SPATC1: variants seen among roughly 807,000 people sequenced by gnomAD.
SPATC1 encodes the protein spermatogenesis and centriole associated 1, also known as speriolin.
Under a neutral mutation model 36.5 loss-of-function variants are expected in SPATC1, and 35 were observed. The observed-to-expected ratio is 0.96, with a 90% CI of 0.73 to 1.27. SPATC1 has a LOEUF of 1.27. SPATC1 is among the 50% of genes most tolerant of loss of function. The pLI is 0.00. For synonymous variants in SPATC1, 361 were observed against 353.6 expected (o/e 1.02, Z -0.24); for missense variants, 779 against 796.0 (o/e 0.98, Z 0.26).
At chr8:144,021,627 C>A (rs1244358023) in intron 1 of SPATC1, among the ~76,000 whole-genome samples, 1 of 63,010 alleles carries the variant, frequency 1.6e-5, no homozygotes. Flanking sequence ...AAGAACCTCA[C>A]ACCCCAGGAC....
intron 4 of SPATC1, among the ~76,000 whole-genome samples, chr8:144,042,305 A>T (rs1287459491): frequency 2.4e-4 from 13 of 54,740 alleles, no homozygotes; most frequent in African/African-American, 1.1e-3. Flanking sequence ...ATATATATAT[A>T]TATATATTTT....
intron 1 of SPATC1, among the ~76,000 whole-genome samples, chr8:144,026,250 C>A (rs1308124657): frequency 3.9e-5 from 6 of 152,276 alleles, no homozygotes; most frequent in South Asian, 2.1e-4. Flanking sequence ...TTCTTCCATG[C>A]GGTAGCTCCT....
intron 1 of SPATC1, among the ~76,000 whole-genome samples, chr8:144,021,145 CT>C (rs1834518737): frequency 2.7e-5 from 4 of 146,152 alleles, no homozygotes; most frequent in African/African-American, 7.6e-5. Context: ...TCAGGACCCT[CT>C]TCCTTCAGTA....
intron 1 of SPATC1, among the ~76,000 whole-genome samples, chr8:144,036,001 T>C (rs1834891048): frequency 2.0e-5 from 3 of 152,182 alleles, no homozygotes; most frequent in South Asian, 2.1e-4. Context: ...TGCCCCACTC[T>C]GTGCTCCCTC....
In SPATC1 at chr8:144,040,596, G is replaced by A. The variant is rs782622347; in HGVS notation, c.795G>A (p.Ser265=). 8 of 1,594,366 alleles carry A rather than the reference G, an allele frequency of 5.0e-6. No homozygotes were observed. The highest frequency in any genetic ancestry group is 1.4e-5 in the African/African-American group (1 of 72,684). Residue 265 remains serine (S), a synonymous_variant, in exon 3 of 5, where the codon TCG becomes TCA. Coordinates refer to ENST00000377470, the MANE Select transcript of SPATC1 (RefSeq NM_198572.3). ...KVPLSTEPPQ[S]TQDPEPLSMA... is the part of the protein sequence containing the mutation. ...CACTCTCCACTGAGCCCCCCCAGTC[G>A]ACCCAGGACCCAGAGCCTCTCAGCA... is the stretch of plus-strand genomic sequence containing the variant.
At position 144,046,779 on chromosome 8, in the gene SPATC1, C is replaced by A; in HGVS notation, c.1599C>A (p.Gly533=). The A allele has an allele frequency of 1.2e-6, 2 of 1,610,176 alleles. No homozygotes were observed. Among genetic ancestry groups the A allele is most frequent in the South Asian group, 2.2e-5 (2 of 91,084 alleles). The change falls in exon 5 of 5, where the codon GGC becomes GGA. Residue 533 remains glycine, a synonymous_variant. Coordinates refer to ENST00000377470, the MANE Select transcript of SPATC1 (RefSeq NM_198572.3). This position sits in a 1 kb window ranked among gnomAD's most constrained non-coding sequence, Gnocchi z 6.6. ...CCGAGCAGCTGGTGAACGCTTATGG[C>A]ATCCTGCGAGAGCGCCCGGAGCTGG... The part of the protein sequence containing the change: ...ALTEQLVNAY[G]ILRERPELAA...
In SPATC1 at chr8:144,020,578, TTCTCCCCTCAGAACCC is replaced by T. The variant is rs1587492188; in HGVS notation, c.211+7872_211+7887del. On this transcript the variant is annotated intron_variant, in intron 1 of 4. Coordinates refer to ENST00000377470, the MANE Select transcript of SPATC1 (RefSeq NM_198572.3). ...TTCAGTATCCTCTCCCCTCAGGACC[TTCTCCCCTCAGAACCC>T]TCTCCCCTCAGAACCCTCTTCCTTC... Among the ~76,000 whole-genome samples the T allele has an allele frequency of 7.9e-4, 10 of 12,610 alleles. No homozygotes were observed. The East Asian group carries it at 0.012, about 15-fold the overall frequency. The allele number at this position is 12,610 out of a possible 152,430, so 8.3% of individuals were successfully genotyped here. A position where few individuals can be genotyped will look rare whatever the true frequency, so the allele number is the denominator to read the frequency against.
rs1250359240 is a variant in SPATC1 at position 144,045,233 on chromosome 8, G to A, written c.1447-1394G>A. ...GTGTCTTCCTGCCCCCCACAACTGT[G>A]CATATTACTCGTTTGCCTAGAAGGC... is the stretch of plus-strand genomic sequence containing the variant. On this transcript the variant is annotated intron_variant, in intron 4 of 4. Coordinates refer to ENST00000377470, the MANE Select transcript of SPATC1 (RefSeq NM_198572.3). This position sits in a 1 kb window ranked among gnomAD's most constrained non-coding sequence, Gnocchi z 5.2. Among the ~76,000 whole-genome samples the A allele has an allele frequency of 1.3e-5, 2 of 152,216 alleles. No individual in the cohort carries two copies. The highest frequency in any genetic ancestry group is 4.8e-5 in the African/African-American group (2 of 41,452).
intron 1 of SPATC1, among the ~76,000 whole-genome samples, chr8:144,017,449 T>C (rs569239815): frequency 3.9e-5 from 6 of 152,176 alleles, no homozygotes; most frequent in East Asian, 1.9e-4. Context: ...CCCAACCCCA[T>C]TGAGGAGGAA....
intron 1 of SPATC1, among the ~76,000 whole-genome samples, chr8:144,024,220 C>T (rs1036718141): frequency 3.0e-4 from 45 of 149,850 alleles, no homozygotes; most frequent in African/African-American, 1.0e-3. Flanking sequence ...ACCCTCTACC[C>T]TCAGGATGCT....
At chr8:144,024,709 T>C (rs895519784) in intron 1 of SPATC1, among the ~76,000 whole-genome samples, 75 of 146,016 alleles carry the variant, frequency 5.1e-4, no homozygotes, top group African/African-American at 1.9e-3. Context: ...CCCTTTTCCC[T>C]GAAGGCCCTC....
chr8:144,031,313 T>C (rs1834787930), intron 1 of SPATC1, among the ~76,000 whole-genome samples: 2 of 152,184 alleles, frequency 1.3e-5, no homozygotes, highest in Non-Finnish European at 2.9e-5. Flanking sequence ...ATCTTTTTAC[T>C]TTCAACAGCT....
intron 1 of SPATC1, among the ~76,000 whole-genome samples, chr8:144,033,913 G>T (rs920353879): frequency 4.6e-5 from 7 of 152,234 alleles, no homozygotes; most frequent in African/African-American, 1.7e-4. Context: ...TGAAAAGGAA[G>T]GAGACGGCAA....
At chr8:144,028,397 T>C (rs1197287285) in intron 1 of SPATC1, among the ~76,000 whole-genome samples, 2 of 149,098 alleles carry the variant, frequency 1.3e-5, no homozygotes, top group Non-Finnish European at 3.0e-5. Context: ...GCAAAGGACA[T>C]GAACAGGCGC....
chr8:144,046,377 G>A lies in SPATC1; in HGVS notation c.1447-250G>A, dbSNP rs1554756745. 6.6e-6 allele frequency among the ~76,000 whole-genome samples: 1 copy of A among 152,178 alleles called. No individual in the cohort carries two copies. Among genetic ancestry groups the A allele is most frequent in the Non-Finnish European group, 1.5e-5 (1 of 68,016 alleles). ...GGGTTGGGGCATCCTCTTCCACCCT[G>A]TGGCTGAGGCCCTACTGGGGAGCTT... On this transcript the variant is annotated intron_variant, in intron 4 of 4. Transcript: ENST00000377470. This position sits in a 1 kb window ranked among gnomAD's most constrained non-coding sequence, Gnocchi z 6.6.
chr8:144,037,508 C>T (rs988680741), intron 1 of SPATC1, among the ~76,000 whole-genome samples: 68 of 152,070 alleles, frequency 4.5e-4, no homozygotes, highest in African/African-American at 1.4e-3. Flanking sequence ...TGACCTTACC[C>T]CCAACCCTGT....
At position 144,016,168 on chromosome 8, in the gene SPATC1, A is replaced by G. The variant is rs535987062; in HGVS notation, c.211+3442A>G. On this transcript the variant is annotated intron_variant, in intron 1 of 4. Transcript: ENST00000377470. This position sits in a 1 kb window ranked among gnomAD's most constrained non-coding sequence, Gnocchi z 4.5. ...CTACTTGGGAGGCTGAGGCAGGAGA[A>G]TCGCTTGAACTTGGGAGGCAGAGGT... Among the ~76,000 whole-genome samples the G allele has an allele frequency of 1.3e-5, 2 of 152,290 alleles. No homozygotes were observed. Among genetic ancestry groups the G allele is most frequent in the East Asian group, 3.9e-4 (2 of 5,182 alleles).
chr8:144,024,830 G>C (rs1834641970), intron 1 of SPATC1, among the ~76,000 whole-genome samples: 1 of 46,634 alleles, frequency 2.1e-5, no homozygotes, highest in African/African-American at 8.1e-5. Flanking sequence ...CTTCCCTCAG[G>C]ACCCTCTTTC....
At chr8:144,035,099 G>C (rs1187961004) in intron 1 of SPATC1, among the ~76,000 whole-genome samples, 6 of 143,772 alleles carry the variant, frequency 4.2e-5, no homozygotes, top group Non-Finnish European at 5.9e-5. Flanking sequence ...GGTTTGTTGT[G>C]CCAAGGTTTT....
Sources: gnomAD v4.1 joint callset for allele counts (sites outside exome capture counted in the v4.1 genomes callset) on GRCh38, gnomAD v4.1.1 for gene constraint, Gnocchi (gnomAD v3.1) non-coding constraint, MANE v1.5 for transcripts, NCBI Gene and HGNC (gene_info 2026-07-23, HGNC 2026-07-21) for gene names.